The following PPP2R2A variants were observed in gnomAD, a reference collection of about 807,000 sequenced individuals.
PPP2R2A encodes serine/threonine-protein phosphatase 2A 55 kDa regulatory subunit B alpha isoform.
Under a neutral mutation model 53.2 loss-of-function variants are expected in PPP2R2A, and 9 were observed. That is an observed-to-expected ratio of 0.17 (90% confidence interval 0.10 to 0.30). The LOEUF (loss-of-function observed/expected upper bound fraction) is 0.30. Among genes scored for constraint, PPP2R2A ranks in the 10% least tolerant of loss-of-function variants. The probability of loss-of-function intolerance (pLI) is 1.00; values close to 1 mark genes in which losing one functional copy is unlikely to be tolerated. For synonymous variants in PPP2R2A, 169 were observed against 174.2 expected (o/e 0.97, Z 0.23); for missense variants, 235 against 534.6 (o/e 0.44, Z 5.53).
chr8:26,363,958 T>G, intron 8 of PPP2R2A, 68 bp downstream of exon 8: 1 of 1,378,030 alleles, frequency 7.3e-7, no homozygotes, highest in Non-Finnish European at 9.7e-7. Flanking sequence ...GAGAAGGATT[T>G]TGTTACTAGG....
chr8:26,310,572 A>C (rs190359161), intron 2 of PPP2R2A, among the ~76,000 whole-genome samples: 16 of 151,918 alleles, frequency 1.1e-4, no homozygotes, highest in Non-Finnish European at 1.8e-4. Flanking sequence ...TGCTATTGTA[A>C]AGATCATGAT....
intron 7 of PPP2R2A, 181 bp downstream of exon 7, chr8:26,363,029 C>CT: frequency 1.8e-6 from 1 of 570,764 alleles, no homozygotes. Context: ...CCTGGAAGCT[C>CT]TCTTGGGGGG....
intron 2 of PPP2R2A, among the ~76,000 whole-genome samples, chr8:26,330,704 T>G (rs1803325296): frequency 6.6e-6 from 1 of 152,286 alleles, no homozygotes; most frequent in South Asian, 2.1e-4. Flanking sequence ...CTTTCATTTT[T>G]GTCACTTCTG....
At chr8:26,316,287 C>T (rs1050507493) in intron 2 of PPP2R2A, among the ~76,000 whole-genome samples, 1 of 152,134 alleles carries the variant, frequency 6.6e-6, no homozygotes, top group Non-Finnish European at 1.5e-5. Flanking sequence ...GAATTATAGG[C>T]CTGAACCACC....
chr8:26,367,467 T>C (rs753501506), intron 9 of PPP2R2A, among the ~76,000 whole-genome samples: 17 of 152,042 alleles, frequency 1.1e-4, no homozygotes, highest in Non-Finnish European at 2.5e-4. Flanking sequence ...ATATTAAAAA[T>C]TTTTTTTTAA....
At chr8:26,347,288 G>T (rs1310362121) in intron 3 of PPP2R2A, among the ~76,000 whole-genome samples, 2 of 151,888 alleles carry the variant, frequency 1.3e-5, no homozygotes, top group Non-Finnish European at 2.9e-5. Flanking sequence ...GAGAAACAAG[G>T]TTGGAGAGCC....
intron 4 of PPP2R2A, among the ~76,000 whole-genome samples, chr8:26,357,699 C>T (rs1804867624): frequency 6.6e-6 from 1 of 152,012 alleles, no homozygotes; most frequent in African/African-American, 2.4e-5. Flanking sequence ...CATAAAGCTG[C>T]ATTCCCACAA....
In PPP2R2A at chr8:26,366,440, A is replaced by G. The variant is rs1316934482; in HGVS notation, c.1064+34A>G. On this transcript the variant is annotated intron_variant, in intron 9 of 9. Transcript: ENST00000380737. ...GTCAAACCTCTCAAATATGAATTTT[A>G]TTAAAGAAAAGAAACAACTATTTCA... 2.0e-6 allele frequency: 3 copies of G among 1,465,226 alleles called. No homozygotes were observed. The African/African-American group carries it at 4.3e-5, about 21-fold the overall frequency. The allele number at this position is 1,465,226 out of a possible 1,614,324, so 90.8% of individuals were successfully genotyped here. A position where few individuals can be genotyped will look rare whatever the true frequency, so the allele number is the denominator to read the frequency against.
intron 3 of PPP2R2A, among the ~76,000 whole-genome samples, chr8:26,351,317 T>C (rs1422637207): frequency 1.3e-5 from 2 of 152,124 alleles, no homozygotes; most frequent in Non-Finnish European, 2.9e-5. Flanking sequence ...CCTGTTGCAG[T>C]GGTCCCTGTC....
At chr8:26,326,409 A>G (rs1442327312) in intron 2 of PPP2R2A, among the ~76,000 whole-genome samples, 1 of 152,204 alleles carries the variant, frequency 6.6e-6, no homozygotes, top group Non-Finnish European at 1.5e-5. Context: ...TTTGTAACAT[A>G]CCTTAAAGAC....
chr8:26,346,088 T>G (rs1272960522), intron 3 of PPP2R2A, among the ~76,000 whole-genome samples: 3 of 151,206 alleles, frequency 2.0e-5, no homozygotes, highest in Non-Finnish European at 2.9e-5. Flanking sequence ...TCTTCCACCT[T>G]CCCCACCCAT....
intron 9 of PPP2R2A, among the ~76,000 whole-genome samples, chr8:26,367,878 A>C (rs1479685647): frequency 6.6e-6 from 1 of 152,252 alleles, no homozygotes; most frequent in African/African-American, 2.4e-5. Context: ...TTCAGTATCC[A>C]GCATTTAGTT....
At chr8:26,309,991 G>A (rs1336959437) in intron 2 of PPP2R2A, among the ~76,000 whole-genome samples, 2 of 151,582 alleles carry the variant, frequency 1.3e-5, no homozygotes, top group African/African-American at 4.8e-5. Flanking sequence ...TTGGAAAAAT[G>A]GTGCCATTCG....
At chr8:26,332,107 A>G (rs1585368252) in intron 2 of PPP2R2A, among the ~76,000 whole-genome samples, 1 of 152,066 alleles carries the variant, frequency 6.6e-6, no homozygotes, top group African/African-American at 2.4e-5. Context: ...TGTAATCCCA[A>G]TACTTTGGAA....
At chr8:26,291,885 A>C in intron 1 of PPP2R2A, 59 bp downstream of exon 1, 4 of 1,584,000 alleles carry the variant, frequency 2.5e-6, no homozygotes, top group Non-Finnish European at 2.6e-6. Context: ...TCCTCCCTCC[A>C]TCACCCCCTA....
At chr8:26,366,672 C>G (rs1471343123) in intron 9 of PPP2R2A, among the ~76,000 whole-genome samples, 2 of 151,948 alleles carry the variant, frequency 1.3e-5, no homozygotes, top group Non-Finnish European at 2.9e-5. Flanking sequence ...GACATGCTAA[C>G]CATTAAAACG....
At chr8:26,336,240 A>G (rs927457200) in intron 2 of PPP2R2A, among the ~76,000 whole-genome samples, 1 of 152,100 alleles carries the variant, frequency 6.6e-6, no homozygotes, top group African/African-American at 2.4e-5. Context: ...CCTGGGCAAC[A>G]TGGCAACACC....
Position 26,293,745 on chromosome 8 carries a change from G to A in PPP2R2A, c.82+5G>A. 6.2e-7 allele frequency: 1 copy of A among 1,613,272 alleles called. No individual in the cohort carries two copies. ...TAGATGATGATGTAGCAGAAGGTAAGAAAGCGTTTAATGCAAAATTTGGAT... is the reference window on the plus strand; with the variant it reads ...TAGATGATGATGTAGCAGAAGGTAAAAAAGCGTTTAATGCAAAATTTGGAT... On this transcript the variant is annotated splice_donor_5th_base_variant and intron_variant, in intron 2 of 9. Transcript: ENST00000380737.
At chr8:26,324,997 C>T (rs1803013949) in intron 2 of PPP2R2A, among the ~76,000 whole-genome samples, 1 of 149,604 alleles carries the variant, frequency 6.7e-6, no homozygotes, top group South Asian at 2.2e-4. Context: ...TCTGTACCCC[C>T]ACTGTATCTA....
Sources: gnomAD v4.1 joint callset for allele counts (sites outside exome capture counted in the v4.1 genomes callset) on GRCh38, gnomAD v4.1.1 for gene constraint, MANE v1.5 for transcripts, NCBI Gene and HGNC (gene_info 2026-07-23, HGNC 2026-07-21) for gene names.